MYBBP1A: variants seen among roughly 807,000 people sequenced by gnomAD.
MYBBP1A encodes MYB binding protein 1a.
In MYBBP1A, 147 loss-of-function variants were observed where a neutral mutation model predicts 136.3. That is an observed-to-expected ratio of 1.08 (90% CI 0.94 to 1.24). The LOEUF is 1.24. Ranked by LOEUF, MYBBP1A falls within the 50% of genes most tolerant of loss-of-function variation. The pLI, the probability that MYBBP1A is intolerant of heterozygous loss-of-function variation, is 0.00. For missense variants in MYBBP1A, 2,060 were observed against 1,727.4 expected (o/e 1.19, Z -3.41); for synonymous variants, 947 against 735.8 (o/e 1.29, Z -4.65).
chr17:4,544,996 GC>G, intron 17 of MYBBP1A, 29 bp downstream of exon 17: 8 of 697,752 alleles, frequency 1.1e-5, no homozygotes, highest in Non-Finnish European at 1.4e-5. Flanking sequence ...GCCCTCCCCG[GC>G]CGCCCCCCCC....
rs754576546 is a variant in MYBBP1A, at chr17:4,549,360, C to G, written c.1402G>C (p.Glu468Gln). 12 of 1,612,836 alleles carry G rather than the reference C, an allele frequency of 7.4e-6. No individual in the cohort carries two copies. The highest frequency in any genetic ancestry group is 1.0e-5 in the Non-Finnish European group (12 of 1,179,974). Residue 468 changes from glutamate (E) to glutamine (Q), a missense_variant, in exon 10 of 26, where the codon GAG becomes CAG. By Grantham distance (29) the Glu-to-Gln change is conservative. Coordinates refer to ENST00000254718, the MANE Select transcript of MYBBP1A (RefSeq NM_014520.4). Reference sequence around the variant, plus strand: ...GCCACCTGCTCAGTCAAGGCCTCCTCCATCTCCAGGTGCAGGCTGTCCACA... The same window carrying G: ...GCCACCTGCTCAGTCAAGGCCTCCTGCATCTCCAGGTGCAGGCTGTCCACA... ...SIVDSLHLEMEEALTEQVARF... is the reference protein window; with the variant it reads ...SIVDSLHLEMQEALTEQVARF...
At position 4,548,720 on chromosome 17, in the gene MYBBP1A, G is replaced by C; in HGVS notation, c.1431-71C>G. 1 of 1,592,102 alleles carries C rather than the reference G, an allele frequency of 6.3e-7. No homozygotes were observed. The highest frequency in any genetic ancestry group is 1.1e-5 in the South Asian group (1 of 88,622). ...TTTTACAGGCTCCCCTCCTTGGATG[G>C]TACCACCGAGGGTACAAGGCCAGGA... is the stretch of plus-strand genomic sequence containing the variant. On this transcript the variant is annotated intron_variant, in intron 10 of 25. Coordinates refer to ENST00000254718, the MANE Select transcript of MYBBP1A (RefSeq NM_014520.4). This position sits in a 1 kb window ranked among gnomAD's most constrained non-coding sequence, Gnocchi z 4.2.
chr17:4,539,248 C>T lies in MYBBP1A; in HGVS notation c.*167G>A. ...GGGACCCCTGCAGGAATGGCTCAGG[C>T]TGTGCTTGCCAGAGCAGGATGCCCG... On this transcript the variant is annotated 3_prime_UTR_variant, in exon 26 of 26. Transcript: ENST00000254718. 1.3e-6 allele frequency: 2 copies of T among 1,482,174 alleles called. No homozygotes were observed. Among genetic ancestry groups the T allele is most frequent in the East Asian group, 2.3e-5 (1 of 42,782 alleles). The allele number at this position is 1,482,174 out of a possible 1,614,324, so 91.8% of individuals were successfully genotyped here.
Position 4,555,251 on chromosome 17 carries a change from C to T in MYBBP1A, c.74G>A (p.Arg25His). Residue 25 changes from arginine to histidine, a missense_variant, in exon 1 of 26, where the codon CGC becomes CAC. By Grantham distance (29) the Arg-to-His change is conservative. Coordinates refer to ENST00000254718, the MANE Select transcript of MYBBP1A (RefSeq NM_014520.4). ...ATQSGARPAD[R>H]YGLLKHSREF... is the part of the protein sequence containing the mutation. ...GCGACTGTGCTTCAATAGGCCATAG[C>T]GGTCGGCAGGCCGGGCGCCACTCTG... The T allele has an allele frequency of 6.2e-7, 1 of 1,612,152 alleles. No homozygotes were observed. Among genetic ancestry groups the T allele is most frequent in the South Asian group, 1.1e-5 (1 of 90,880 alleles).
rs1246074940 is a variant in MYBBP1A, at chr17:4,553,840, G to C, written c.531C>G (p.Pro177=). The change falls in exon 5 of 26, where the codon CCC becomes CCG. Residue 177 remains proline, a synonymous_variant. Transcript: ENST00000254718. The stretch of plus-strand genomic sequence containing the variant: ...AGAGGATGTCCACCAGGGCCTTCCG[G>C]GGCTGCTCCTGCAAGTGGTTTTGGT... The part of the protein sequence containing the change: ...AQYQNHLQEQ[P]RKALVDILSE... 6.2e-7 allele frequency: 1 copy of C among 1,614,054 alleles called. No individual in the cohort carries two copies. Among genetic ancestry groups the C allele is most frequent in the Non-Finnish European group, 8.5e-7 (1 of 1,180,030 alleles).
chr17:4,549,372 G>A lies in MYBBP1A; in HGVS notation c.1390C>T (p.His464Tyr). The change falls in exon 10 of 26, where the codon CAC becomes TAC. Residue 464 changes from histidine to tyrosine, a missense_variant. Physicochemically the swap from His to Tyr is moderately conservative, Grantham distance 83. Coordinates refer to ENST00000254718, the MANE Select transcript of MYBBP1A (RefSeq NM_014520.4). ...FRLVSIVDSL[H>Y]LEMEEALTEQ... Reference sequence around the variant, plus strand: ...GTCAAGGCCTCCTCCATCTCCAGGTGCAGGCTGTCCACAATGCTCACCAAT... The same window carrying A: ...GTCAAGGCCTCCTCCATCTCCAGGTACAGGCTGTCCACAATGCTCACCAAT... 1.2e-6 allele frequency: 2 copies of A among 1,613,084 alleles called. No individual in the cohort carries two copies. Among genetic ancestry groups the A allele is most frequent in the Non-Finnish European group, 1.7e-6 (2 of 1,179,976 alleles).
intron 8 of MYBBP1A, 87 bp downstream of exon 8, chr17:4,551,793 C>A: frequency 8.4e-7 from 1 of 1,186,874 alleles, no homozygotes; most frequent in Non-Finnish European, 1.2e-6. Context: ...CTAGCCAAGC[C>A]CCCGAGGTGC....
chr17:4,547,966 G>C lies in MYBBP1A; in HGVS notation c.1816C>G (p.Leu606Val), dbSNP rs1343204903. Residue 606 changes from leucine (L) to valine (V), a missense_variant, in exon 13 of 26, where the codon CTC becomes GTC. By Grantham distance (32) the Leu-to-Val change is conservative (BLOSUM62 1). Transcript: ENST00000254718. Reference protein sequence around the residue: ...QHLLLLVGIHLLKSPAESCDL... With the variant: ...QHLLLLVGIHVLKSPAESCDL... The stretch of plus-strand genomic sequence containing the variant: ...CTCCCAGGCCCCAGTACCTTGAGGA[G>C]GTGGATGCCCACGAGGAGCAGAAGG... 17 of 1,511,410 alleles carry C rather than the reference G, an allele frequency of 1.1e-5. No individual in the cohort carries two copies. Among genetic ancestry groups the C allele is most frequent in the Non-Finnish European group, 1.4e-5 (16 of 1,126,768 alleles). The allele number at this position is 1,511,410 out of a possible 1,614,324, so 93.6% of individuals were successfully genotyped here.
Position 4,548,124 on chromosome 17 carries a change from G to A in MYBBP1A, c.1724+19C>T, listed in dbSNP as rs921954835. On this transcript the variant is annotated intron_variant, in intron 12 of 25. Coordinates refer to ENST00000254718, the MANE Select transcript of MYBBP1A (RefSeq NM_014520.4). The surrounding 1 kb of genome is among the most constrained non-coding windows in gnomAD (Gnocchi z 4.2). Reference sequence around the variant, plus strand: ...GACTGCAGCGTCCTGCCCACCCCCTGGAAATCCCACGTGCTCACCGGTCCC... The same window carrying A: ...GACTGCAGCGTCCTGCCCACCCCCTAGAAATCCCACGTGCTCACCGGTCCC... The A allele has an allele frequency of 1.2e-6, 2 of 1,604,100 alleles. No homozygotes were observed. Among genetic ancestry groups the A allele is most frequent in the African/African-American group, 1.3e-5 (1 of 74,920 alleles).
chr17:4,550,243 T>C lies in MYBBP1A; in HGVS notation c.1134A>G (p.Ser378=). The change falls in exon 9 of 26, where the codon TCA becomes TCG. Residue 378 remains serine (S), a synonymous_variant. Coordinates refer to ENST00000254718, the MANE Select transcript of MYBBP1A (RefSeq NM_014520.4). ...ERQLAVLVAF[S]SVTNQGLPVT... ...CAGGGAGGCCTTGGTTGGTGACAGA[T>C]GAGAAGGCCACTAGCACGGCCAGCT... The C allele has an allele frequency of 6.2e-7, 1 of 1,613,674 alleles. No homozygotes were observed. The highest frequency in any genetic ancestry group is 8.5e-7 in the Non-Finnish European group (1 of 1,180,040).
Position 4,539,169 on chromosome 17 carries a change from CCCTGGAGCCAGGGT to C in MYBBP1A, c.*232_*245del, listed in dbSNP as rs1355207481. 6 of 1,455,730 alleles carry C rather than the reference CCCTGGAGCCAGGGT, an allele frequency of 4.1e-6. No individual in the cohort carries two copies. In the Admixed American group the frequency reaches 1.4e-4, roughly 34 times the overall value. 90.2% of individuals were successfully genotyped at this position (1,455,730 alleles called of 1,614,324 possible). ...GCAAACACCAGAGCCCTGGACATGG[CCCTGGAGCCAGGGT>C]CCCAGCCCAGAACCGGGGGTGGGGA... On this transcript the variant is annotated 3_prime_UTR_variant, in exon 26 of 26. Coordinates refer to ENST00000254718, the MANE Select transcript of MYBBP1A (RefSeq NM_014520.4).
chr17:4,540,420 T>C lies in MYBBP1A; in HGVS notation c.3362A>G (p.Gln1121Arg), dbSNP rs576383880. The C allele has an allele frequency of 1.2e-6, 2 of 1,611,090 alleles. No homozygotes were observed. The highest frequency in any genetic ancestry group is 4.5e-5 in the East Asian group (2 of 44,876). Residue 1121 changes from glutamine (Q) to arginine (R), a missense_variant, in exon 25 of 26, where the codon CAG (glutamine) becomes CGG (arginine). Gln to Arg is a conservative substitution (Grantham distance 43). Coordinates refer to ENST00000254718, the MANE Select transcript of MYBBP1A (RefSeq NM_014520.4). ...VLQGQQQSLQ[Q>R]GAHSTGSSRL... The stretch of plus-strand genomic sequence containing the variant: ...GCTGGAGCCGGTGGAGTGTGCCCCC[T>C]GCTGTAGGCTCTGCTGTTGCCCCTG...
At position 4,552,840 on chromosome 17, in the gene MYBBP1A, AT is replaced by A. The variant is rs58061056; in HGVS notation, c.562-215del. Reference sequence around the variant, plus strand: ...TGGAGGTACCTGCCCCCCACCCCTTATTTTTTTTTTTTAAGACAGAGTCTCA... The same window carrying A: ...TGGAGGTACCTGCCCCCCACCCCTTATTTTTTTTTTTAAGACAGAGTCTCA... On this transcript the variant is annotated intron_variant, in intron 5 of 25. Transcript: ENST00000254718. The surrounding 1 kb of genome is among the most constrained non-coding windows in gnomAD (Gnocchi z 4.7). 0.85 allele frequency among the ~76,000 whole-genome samples: 125,287 copies of A among 147,924 alleles called. 54,288 individuals are homozygous for A. The highest frequency in any genetic ancestry group is 0.98 in the East Asian group (4,924 of 5,026).
chr17:4,540,481 G>C lies in MYBBP1A; in HGVS notation c.3301C>G (p.Leu1101Val). 6.2e-7 allele frequency: 1 copy of C among 1,607,638 alleles called. No homozygotes were observed. The highest frequency in any genetic ancestry group is 8.5e-7 in the Non-Finnish European group (1 of 1,178,288). ...VLFRTCKHEK[L>V]TLDLTVLLGV... The stretch of plus-strand genomic sequence containing the variant: ...AGGAGCACCGTCAGGTCCAAGGTCA[G>C]CTTCTGCAGAGGGTGGGAAGGCAGA... The change falls in exon 25 of 26, where the codon CTG (leucine) becomes GTG (valine). Residue 1101 changes from leucine (L) to valine (V), a missense_variant. Leu to Val is a conservative substitution (Grantham distance 32, BLOSUM62 1). Coordinates refer to ENST00000254718, the MANE Select transcript of MYBBP1A (RefSeq NM_014520.4).
intron 19 of MYBBP1A, among the ~76,000 whole-genome samples, chr17:4,543,485 C>T (rs1336258702): frequency 6.6e-6 from 1 of 152,120 alleles, no homozygotes; most frequent in Admixed American, 6.5e-5. Flanking sequence ...GCCTTCAGGC[C>T]TTTTGTAAAG....
chr17:4,554,005 T>TCC lies in MYBBP1A; in HGVS notation c.453+12_453+13dup, dbSNP rs767920800. ...AGCCAGCCTACATTCCCCCAGTCCC[T>TCC]CCAAAGCTCTTACCTTCACCAGCCG... On this transcript the variant is annotated intron_variant, in intron 4 of 25. Transcript: ENST00000254718. 5 of 1,613,896 alleles carry TCC rather than the reference T, an allele frequency of 3.1e-6. No homozygotes were observed. The East Asian group carries it at 1.1e-4, about 36-fold the overall frequency.
intron 19 of MYBBP1A, 175 bp from the exon 20 acceptor site, chr17:4,543,340 G>T: frequency 1.2e-6 from 1 of 853,288 alleles, no homozygotes; most frequent in Non-Finnish European, 1.8e-6. Context: ...TGGAAGCTGT[G>T]TGGGCTCAGA....
Position 4,550,214 on chromosome 17 carries a change from G to A in MYBBP1A, c.1163C>T (p.Thr388Met), listed in dbSNP as rs558989154. The A allele has an allele frequency of 5.6e-6, 9 of 1,613,868 alleles. No individual in the cohort carries two copies. The highest frequency in any genetic ancestry group is 3.3e-5 in the Admixed American group (2 of 60,030). ...SSVTNQGLPV[T>M]PTFWRVVRFL... ...CCGCACGACCCGCCAGAAAGTAGGCGTGACAGGGAGGCCTTGGTTGGTGAC... is the reference window on the plus strand; with the variant it reads ...CCGCACGACCCGCCAGAAAGTAGGCATGACAGGGAGGCCTTGGTTGGTGAC... Residue 388 changes from threonine (T) to methionine (M), a missense_variant, in exon 9 of 26, where the codon ACG (threonine) becomes ATG (methionine). Physicochemically the swap from Thr to Met is moderately conservative, Grantham distance 81 (BLOSUM62 -1). Transcript: ENST00000254718.
At chr17:4,544,295 G>A (rs764241779) in intron 19 of MYBBP1A, among the ~76,000 whole-genome samples, 194 bp downstream of exon 19, 3 of 152,200 alleles carry the variant, frequency 2.0e-5, no homozygotes, top group African/African-American at 7.2e-5. Flanking sequence ...GGGAGAACGC[G>A]GGGATGAAGC....
Sources: gnomAD v4.1 joint callset for allele counts (sites outside exome capture counted in the v4.1 genomes callset) on GRCh38, gnomAD v4.1.1 for gene constraint, Gnocchi (gnomAD v3.1) non-coding constraint, MANE v1.5 for transcripts, NCBI Gene and HGNC (gene_info 2026-07-23, HGNC 2026-07-21) for gene names.